SUDS3: variants seen among roughly 807,000 people sequenced by gnomAD.
SUDS3 encodes the protein SIN3A corepressor complex component SDS3.
In SUDS3, 23 loss-of-function variants were observed where a neutral mutation model predicts 53.5. The observed-to-expected ratio is 0.43, with a 90% CI of 0.31 to 0.61. SUDS3 has a LOEUF of 0.61. Among genes scored for constraint, SUDS3 ranks in the 20% least tolerant of loss-of-function variants. The pLI is 0.10. For missense variants in SUDS3, 291 were observed against 405.9 expected, an observed-to-expected ratio of 0.72 and a Z score of 2.43; for synonymous variants, 150 against 148.5, an observed-to-expected ratio of 1.01 and a Z score of -0.08.
chr12:118,398,891 G>A (rs1023289079), intron 6 of SUDS3, among the ~76,000 whole-genome samples: 1 of 152,090 alleles, frequency 6.6e-6, no homozygotes, highest in Non-Finnish European at 1.5e-5. Context: ...CGTGGCACTT[G>A]GTCTACTTGA....
At chr12:118,402,301 A>G (rs1863299684) in intron 9 of SUDS3, 2 of 429,918 alleles carry the variant, frequency 4.7e-6, no homozygotes, top group Admixed American at 4.1e-5. Flanking sequence ...ATTTAAGTAC[A>G]CATCCATTTT....
In SUDS3 at chr12:118,417,701, CAAT is replaced by C. The variant is rs1256592310; in HGVS notation, c.*3271_*3273del. The C allele has an allele frequency of 7.1e-6, 1 of 140,716 alleles. No homozygotes were observed. The highest frequency in any genetic ancestry group is 1.5e-5 in the Non-Finnish European group (1 of 64,608). The allele number at this position is 140,716 out of a possible 1,614,324, so 8.7% of individuals were successfully genotyped here. ...GGTTTTTTTTTTTTTTTAAAGAAAA[CAAT>C]AAACTTTCAAAGAGAAAACCAGCAT... On this transcript the variant is annotated 3_prime_UTR_variant, in exon 12 of 12. Transcript: ENST00000543473.
intron 4 of SUDS3, among the ~76,000 whole-genome samples, chr12:118,389,244 C>G (rs2046143169): frequency 6.6e-6 from 1 of 152,132 alleles, no homozygotes; most frequent in East Asian, 1.9e-4. Flanking sequence ...GCCCCCCTAC[C>G]CTGCCCCAGC....
In SUDS3 at chr12:118,411,577, A is replaced by C. The variant is rs540868752; in HGVS notation, c.888+420A>C. Reference sequence around the variant, plus strand: ...CAGTTGTGCTATCTTGGCTCACTGCAACTTCCACCTCCCAGGTTCAAGTGA... The same window carrying C: ...CAGTTGTGCTATCTTGGCTCACTGCCACTTCCACCTCCCAGGTTCAAGTGA... On this transcript the variant is annotated intron_variant, in intron 11 of 11. Transcript: ENST00000543473. Among the ~76,000 whole-genome samples the C allele has an allele frequency of 1.8e-3, 281 of 151,900 alleles. 1 individual carries two copies. Among genetic ancestry groups the C allele is most frequent in the Admixed American group, 2.2e-3 (33 of 15,258 alleles).
chr12:118,413,615 T>C (rs1013538494), intron 11 of SUDS3, among the ~76,000 whole-genome samples: 4 of 152,340 alleles, frequency 2.6e-5, no homozygotes, highest in East Asian at 1.9e-4. Flanking sequence ...TTCTCACCCA[T>C]GGCTTTAGGA....
At chr12:118,391,013 G>A (rs1384509478) in intron 5 of SUDS3, 113 bp from the exon 6 acceptor site, 1 of 1,159,372 alleles carries the variant, frequency 8.6e-7, no homozygotes, top group Non-Finnish European at 1.3e-6. Flanking sequence ...CTGCAAGTGT[G>A]TGTGAGGGGG....
chr12:118,382,761 G>C (rs2046078491), intron 2 of SUDS3, among the ~76,000 whole-genome samples: 1 of 151,412 alleles, frequency 6.6e-6, no homozygotes, highest in East Asian at 1.9e-4. Flanking sequence ...TCCAGCCCCT[G>C]GGTTCAAGCT....
At position 118,406,438 on chromosome 12, in the gene SUDS3, T is replaced by G. The variant is rs1363043762; in HGVS notation, c.803+2921T>G. ...TCAGTAGGATACAAAATTAAATTAA[T>G]TTTCCTACCTCCTCGCCCCACTTTT... is the stretch of plus-strand genomic sequence containing the variant. On this transcript the variant is annotated intron_variant, in intron 10 of 11. Transcript: ENST00000543473. Among the ~76,000 whole-genome samples, 8 of 152,342 alleles carry G rather than the reference T, an allele frequency of 5.3e-5. No individual in the cohort carries two copies. The East Asian group carries it at 1.5e-3, about 29-fold the overall frequency.
chr12:118,376,766 G>A lies in SUDS3; in HGVS notation c.75G>A (p.Glu25=). The A allele has an allele frequency of 6.4e-7, 1 of 1,551,788 alleles. No homozygotes were observed. Among genetic ancestry groups the A allele is most frequent in the Non-Finnish European group, 8.7e-7 (1 of 1,154,092 alleles). ...GAPPAPEYYP[E]EDEELESAED... ...CGCCGGCCCCCGAGTACTACCCCGA[G>A]GAGGATGAAGAGCTGGAGAGCGCCG... is the stretch of plus-strand genomic sequence containing the variant. The change falls in exon 1 of 12, where the codon GAG becomes GAA. Residue 25 remains glutamate, a synonymous_variant. Coordinates refer to ENST00000543473, the MANE Select transcript of SUDS3 (RefSeq NM_022491.3).
chr12:118,380,643 T>A (rs1225344413), intron 2 of SUDS3, among the ~76,000 whole-genome samples: 2 of 152,206 alleles, frequency 1.3e-5, no homozygotes, highest in African/African-American at 4.8e-5. Context: ...CTAGAAAGAA[T>A]CTTGAGGGCA....
chr12:118,403,109 C>T (rs76974491), intron 9 of SUDS3, among the ~76,000 whole-genome samples: 3,363 of 152,246 alleles, frequency 0.022, 122 homozygotes, highest in African/African-American at 0.076. Context: ...CTTTGATCAC[C>T]AGGGCTTTAG....
chr12:118,395,755 G>A (rs7132122), intron 6 of SUDS3, among the ~76,000 whole-genome samples: 4,696 of 151,972 alleles, frequency 0.031, 212 homozygotes, highest in African/African-American at 0.097. Flanking sequence ...GCAGTGCCAC[G>A]GTCTTGGCTC....
chr12:118,387,964 C>T (rs911565123), intron 4 of SUDS3, among the ~76,000 whole-genome samples: 2 of 152,236 alleles, frequency 1.3e-5, no homozygotes, highest in Non-Finnish European at 2.9e-5. Context: ...GATGATCCAC[C>T]TGCTTTAGTG....
chr12:118,398,510 TATAA>T (rs1239383987), intron 6 of SUDS3, among the ~76,000 whole-genome samples: 10 of 152,168 alleles, frequency 6.6e-5, no homozygotes, highest in Admixed American at 5.9e-4. Context: ...AGTACACTTT[TATAA>T]ATATTCATTA....
chr12:118,397,284 G>T (rs1288635488), intron 6 of SUDS3, among the ~76,000 whole-genome samples: 3 of 152,118 alleles, frequency 2.0e-5, no homozygotes, highest in African/African-American at 7.2e-5. Context: ...ATTTTTGTCA[G>T]TGTAGCCAGA....
rs773138144 is a variant in SUDS3, at chr12:118,415,363, T to C, written c.*930T>C. 4.6e-5 allele frequency: 7 copies of C among 152,124 alleles called. No individual in the cohort carries two copies. The highest frequency in any genetic ancestry group is 2.6e-4 in the Admixed American group (4 of 15,272). The allele number at this position is 152,124 out of a possible 1,614,324, so 9.4% of individuals were successfully genotyped here. On this transcript the variant is annotated 3_prime_UTR_variant, in exon 12 of 12. Coordinates refer to ENST00000543473, the MANE Select transcript of SUDS3 (RefSeq NM_022491.3). ...CCCTCATGCACGATTCAAGTTTCAC[T>C]CTTGTGGCTGATGCCATTATTGCAC...
At chr12:118,378,760 C>G (rs1305950369) in intron 1 of SUDS3, among the ~76,000 whole-genome samples, 1 of 152,164 alleles carries the variant, frequency 6.6e-6, no homozygotes, top group Non-Finnish European at 1.5e-5. Flanking sequence ...ACCACAACCT[C>G]TGCCTCCCGA....
chr12:118,407,460 G>T (rs1217408726), intron 10 of SUDS3, among the ~76,000 whole-genome samples: 1 of 152,144 alleles, frequency 6.6e-6, no homozygotes, highest in East Asian at 1.9e-4. Context: ...AAAGGAGGCG[G>T]ATCTGGGAGG....
chr12:118,376,643 G>A lies in SUDS3; in HGVS notation c.-49G>A. 1 of 1,410,890 alleles carries A rather than the reference G, an allele frequency of 7.1e-7. No homozygotes were observed. The highest frequency in any genetic ancestry group is 9.2e-7 in the Non-Finnish European group (1 of 1,090,398). The allele number at this position is 1,410,890 out of a possible 1,614,324, so 87.4% of individuals were successfully genotyped here. On this transcript the variant is annotated 5_prime_UTR_variant, in exon 1 of 12. Transcript: ENST00000543473. ...TAGGCAGACGGCGAGTACCGAGCGC[G>A]GGTGGCCGCGGTGTCCGTGGGCCAC...
Sources: allele counts gnomAD v4.1 joint callset (sites outside exome capture counted in the v4.1 genomes callset), GRCh38; gene constraint gnomAD v4.1.1; transcripts MANE v1.5; gene names NCBI Gene and HGNC (gene_info 2026-07-23, HGNC 2026-07-21).